The following PITPNB variants were observed in gnomAD, a reference collection of about 807,000 sequenced individuals.
The protein encoded by PITPNB is phosphatidylinositol transfer protein beta isoform.
Under a neutral mutation model 45.9 loss-of-function variants are expected in PITPNB, and 16 were observed. The observed-to-expected ratio is 0.35, with a 90% CI of 0.24 to 0.53. PITPNB has a LOEUF of 0.53. Among genes scored for constraint, PITPNB ranks in the 20% least tolerant of loss-of-function variants. PITPNB has a pLI of 0.93. For synonymous variants in PITPNB, 112 were observed against 108.9 expected, an observed-to-expected ratio of 1.03 and a Z score of -0.18; for missense variants, 188 against 330.5, an observed-to-expected ratio of 0.57 and a Z score of 3.34.
chr22:27,856,779 C>A (rs1224165827), intron 10 of PITPNB, among the ~76,000 whole-genome samples: 1 of 152,292 alleles, frequency 6.6e-6, no homozygotes, highest in South Asian at 2.1e-4. Context: ...TCAGTGGACA[C>A]CCACCAGCTG....
chr22:27,877,763 TG>T (rs1934860788), intron 7 of PITPNB, among the ~76,000 whole-genome samples: 2 of 151,806 alleles, frequency 1.3e-5, no homozygotes, highest in Admixed American at 6.6e-5. Context: ...GAGTAGGAGG[TG>T]GGGGGCAGGC....
intron 7 of PITPNB, among the ~76,000 whole-genome samples, chr22:27,888,861 G>A (rs1935196469): frequency 6.6e-6 from 1 of 152,204 alleles, no homozygotes; most frequent in South Asian, 2.1e-4. Flanking sequence ...GCAGTGTGAG[G>A]AGAGGAAGAG....
intron 3 of PITPNB, among the ~76,000 whole-genome samples, chr22:27,903,689 T>C (rs574864320): frequency 9.3e-5 from 14 of 149,744 alleles, no homozygotes; most frequent in African/African-American, 2.0e-4. Flanking sequence ...GGTGGGGGGA[T>C]TGCTTGAGCC....
chr22:27,861,060 G>C (rs916434160), intron 8 of PITPNB, among the ~76,000 whole-genome samples: 1 of 148,344 alleles, frequency 6.7e-6, no homozygotes, highest in African/African-American at 2.5e-5. Context: ...GCTGGGCACA[G>C]TGGCTCACAC....
chr22:27,862,968 C>T (rs1442804971), intron 8 of PITPNB, among the ~76,000 whole-genome samples: 1 of 152,206 alleles, frequency 6.6e-6, no homozygotes, highest in African/African-American at 2.4e-5. Context: ...TTCCATAAGA[C>T]ACAGCTAGCT....
At chr22:27,863,546 T>C (rs1934398816) in intron 8 of PITPNB, among the ~76,000 whole-genome samples, 2 of 152,222 alleles carry the variant, frequency 1.3e-5, no homozygotes, top group South Asian at 4.1e-4. Context: ...AACTCTAAGA[T>C]ACTTTCCAGA....
intron 6 of PITPNB, 89 bp from the exon 7 acceptor site, chr22:27,894,727 G>A (rs1935385583): frequency 1.4e-6 from 1 of 701,430 alleles, no homozygotes; most frequent in Non-Finnish European, 2.4e-6. Flanking sequence ...AGTCTCTCAG[G>A]GGACATTATA....
chr22:27,882,680 G>T (rs1345078218), intron 7 of PITPNB, among the ~76,000 whole-genome samples: 2 of 152,200 alleles, frequency 1.3e-5, no homozygotes, highest in Non-Finnish European at 2.9e-5. Flanking sequence ...AAAACTCGTG[G>T]CTCCGATTAG....
intron 8 of PITPNB, among the ~76,000 whole-genome samples, chr22:27,871,757 T>C (rs1461049895): frequency 1.3e-5 from 2 of 152,252 alleles, no homozygotes; most frequent in Non-Finnish European, 2.9e-5. Context: ...TCAAATCTCA[T>C]GCTGAAATGT....
At chr22:27,918,296 T>C (rs1936146180) in intron 1 of PITPNB, among the ~76,000 whole-genome samples, 1 of 152,128 alleles carries the variant, frequency 6.6e-6, no homozygotes, top group African/African-American at 2.4e-5. Context: ...TCTAAGAATT[T>C]AAAATGAAGA....
At chr22:27,867,469 C>T (rs1934518319) in intron 8 of PITPNB, among the ~76,000 whole-genome samples, 1 of 152,162 alleles carries the variant, frequency 6.6e-6, no homozygotes, top group African/African-American at 2.4e-5. Flanking sequence ...AATCTAATTT[C>T]ACAAAAAGGC....
intron 7 of PITPNB, among the ~76,000 whole-genome samples, chr22:27,878,534 C>T (rs1411164829): frequency 1.3e-5 from 2 of 152,330 alleles, no homozygotes; most frequent in South Asian, 2.1e-4. Flanking sequence ...GACTCCTCAA[C>T]CTTTCAGGTT....
rs760921101 is a variant in PITPNB, at chr22:27,897,783, G to C, written c.289+18C>G. 1 of 1,554,102 alleles carries C rather than the reference G, an allele frequency of 6.4e-7. No homozygotes were observed. Among genetic ancestry groups the C allele is most frequent in the South Asian group, 1.1e-5 (1 of 89,940 alleles). On this transcript the variant is annotated intron_variant, in intron 4 of 11. Transcript: ENST00000335272. ...CTCAGGGTGGAGGGGTGCAATGGCTGCTGGGGGCCAAGCTTACTTGTTCTA... is the reference window on the plus strand; with the variant it reads ...CTCAGGGTGGAGGGGTGCAATGGCTCCTGGGGGCCAAGCTTACTTGTTCTA...
intron 1 of PITPNB, among the ~76,000 whole-genome samples, chr22:27,914,727 T>G (rs1466545441): frequency 6.6e-6 from 1 of 152,258 alleles, no homozygotes; most frequent in Non-Finnish European, 1.5e-5. Context: ...ATTCTCCACC[T>G]ATATACTGTG....
rs2146346786 is a variant in PITPNB at position 27,858,453 on chromosome 22, C to T, written c.702G>A (p.Lys234=). The change falls in exon 10 of 12, where the codon AAG becomes AAA. Residue 234 remains lysine, a synonymous_variant. Transcript: ENST00000335272. ...TGTCTTCCATCGTGAGATCGATCCA[C>T]TTGTCAATCCAACAAAAAAGCTGGC... ...FHRQLFCWID[K]WIDLTMEDIR... is the part of the protein sequence containing the mutation. 6.2e-7 allele frequency: 1 copy of T among 1,610,740 alleles called. No individual in the cohort carries two copies. The highest frequency in any genetic ancestry group is 2.2e-5 in the East Asian group (1 of 44,812).
intron 3 of PITPNB, among the ~76,000 whole-genome samples, chr22:27,901,271 T>C (rs1935584621): frequency 6.6e-6 from 1 of 152,140 alleles, no homozygotes; most frequent in Non-Finnish European, 1.5e-5. Flanking sequence ...GACCATAAGG[T>C]ACACTGAACG....
At chr22:27,910,632 T>A (rs1412980012) in intron 3 of PITPNB, 1 of 189,734 alleles carries the variant, frequency 5.3e-6, no homozygotes, top group African/African-American at 2.3e-5. Context: ...ATACAAGTAA[T>A]ACATCGCTAT....
chr22:27,870,184 T>C (rs73166735), intron 8 of PITPNB, among the ~76,000 whole-genome samples: 5,232 of 152,276 alleles, frequency 0.034, 131 homozygotes, highest in Middle Eastern at 0.092. Context: ...AACTATTACA[T>C]GTGTTTCTCT....
At chr22:27,859,427 G>A (rs566402754) in intron 9 of PITPNB, among the ~76,000 whole-genome samples, 1 of 151,510 alleles carries the variant, frequency 6.6e-6, no homozygotes, top group South Asian at 2.1e-4. Context: ...TATAATGAGG[G>A]CTTCTTTATA....
Sources: gnomAD v4.1 joint callset for allele counts (sites outside exome capture counted in the v4.1 genomes callset) on GRCh38, gnomAD v4.1.1 for gene constraint, MANE v1.5 for transcripts, NCBI Gene and HGNC (gene_info 2026-07-23, HGNC 2026-07-21) for gene names.